HIVEP3: variants seen among roughly 807,000 people sequenced by gnomAD.
HIVEP3 encodes transcription factor HIVEP3.
A neutral mutation model predicts 152.8 loss-of-function variants in HIVEP3; 49 were observed. The ratio of observed to expected loss-of-function variants is 0.32; its 90% CI spans 0.26 to 0.41. HIVEP3 has a LOEUF of 0.41. Ranked by LOEUF, HIVEP3 falls within the 10% of genes least tolerant of loss-of-function variation. HIVEP3 has a pLI of 1.00. For synonymous variants in HIVEP3, 1,269 were observed against 1,289.0 expected, an observed-to-expected ratio of 0.98 and a Z score of 0.33; for missense variants, 2,790 against 3,103.3, an observed-to-expected ratio of 0.90 and a Z score of 2.40.
intron 2 of HIVEP3, among the ~76,000 whole-genome samples, chr1:41,649,712 G>T (rs952216301): frequency 6.6e-6 from 1 of 152,176 alleles, no homozygotes; most frequent in African/African-American, 2.4e-5. Flanking sequence ...AGGATCAAAT[G>T]CGGGGAGGGG....
intron 5 of HIVEP3, among the ~76,000 whole-genome samples, chr1:41,573,160 A>C (rs1417742793): frequency 6.6e-6 from 1 of 152,238 alleles, no homozygotes; most frequent in East Asian, 1.9e-4. Context: ...AAGAAAGAAA[A>C]AAAAGGAAGA....
At chr1:41,983,899 G>A (rs582765) in intron 1 of HIVEP3, among the ~76,000 whole-genome samples, 8,970 of 152,220 alleles carry the variant, frequency 0.059, 909 homozygotes, top group African/African-American at 0.2. Context: ...AGCCTCTCAT[G>A]TACAAAAGGG....
intron 2 of HIVEP3, among the ~76,000 whole-genome samples, chr1:41,631,754 C>A (rs781085677): frequency 1.3e-5 from 2 of 152,182 alleles, no homozygotes; most frequent in Non-Finnish European, 1.5e-5. Flanking sequence ...CAATTTCTCA[C>A]TACTCTGTGG....
At chr1:41,639,698 C>T (rs943075709) in intron 2 of HIVEP3, among the ~76,000 whole-genome samples, 9 of 152,196 alleles carry the variant, frequency 5.9e-5, no homozygotes, top group African/African-American at 2.2e-4. Context: ...AGGGGCTCAC[C>T]TTTGTTTCAG....
At chr1:41,882,674 G>A (rs1221584023) in intron 1 of HIVEP3, among the ~76,000 whole-genome samples, 5 of 152,198 alleles carry the variant, frequency 3.3e-5, no homozygotes, top group Non-Finnish European at 7.3e-5. Flanking sequence ...ATCCTCAGCA[G>A]ACTGTGAGCT....
At chr1:41,686,627 C>T (rs1284106213) in intron 2 of HIVEP3, among the ~76,000 whole-genome samples, 3 of 152,122 alleles carry the variant, frequency 2.0e-5, no homozygotes, top group African/African-American at 7.2e-5. Context: ...TGGAACCATG[C>T]AAAAGCCCAG....
chr1:41,762,793 G>T (rs938800710), intron 1 of HIVEP3, among the ~76,000 whole-genome samples: 4 of 152,252 alleles, frequency 2.6e-5, no homozygotes, highest in Admixed American at 2.6e-4. Flanking sequence ...GTGAGCAGGG[G>T]CATCACCAGC....
chr1:41,668,911 C>T lies in HIVEP3; in HGVS notation c.-721+32005G>A, dbSNP rs1169292677. On this transcript the variant is annotated intron_variant, in intron 2 of 8. Transcript: ENST00000372583. The stretch of plus-strand genomic sequence containing the variant: ...CAATGCTTGGTACCTACTAGGTGCT[C>T]AATAAACAGGGCACCTGGAAGGCTT... Among the ~76,000 whole-genome samples, 3 of 152,258 alleles carry T rather than the reference C, an allele frequency of 2.0e-5. No homozygotes were observed. In the East Asian group the frequency reaches 5.8e-4, roughly 29 times the overall value.
intron 1 of HIVEP3, among the ~76,000 whole-genome samples, chr1:41,948,546 C>A (rs1451747010): frequency 6.6e-6 from 1 of 151,918 alleles, no homozygotes; most frequent in Non-Finnish European, 1.5e-5. Flanking sequence ...AGCCAAAGAG[C>A]CGCAAGGCAG....
intron 2 of HIVEP3, among the ~76,000 whole-genome samples, chr1:41,691,970 G>A (rs1403947750): frequency 6.6e-6 from 1 of 150,980 alleles, no homozygotes; most frequent in South Asian, 2.1e-4. Flanking sequence ...TCAGCCTTTC[G>A]AGTAGCTGGG....
At chr1:41,614,264 T>C (rs1644936569) in intron 3 of HIVEP3, among the ~76,000 whole-genome samples, 1 of 152,190 alleles carries the variant, frequency 6.6e-6, no homozygotes, top group Non-Finnish European at 1.5e-5. Flanking sequence ...TATCTGGTGG[T>C]GAGAGAGGCG....
At chr1:41,723,116 GGT>G (rs1180657575) in intron 1 of HIVEP3, among the ~76,000 whole-genome samples, 2 of 151,092 alleles carry the variant, frequency 1.3e-5, no homozygotes, top group Non-Finnish European at 2.9e-5. Context: ...AGATCCCCCT[GGT>G]GCACTATGGG....
At chr1:41,631,328 G>A (rs532419755) in intron 2 of HIVEP3, among the ~76,000 whole-genome samples, 5 of 152,204 alleles carry the variant, frequency 3.3e-5, no homozygotes, top group East Asian at 1.9e-4. Context: ...GCTAAGAATG[G>A]TGAGTGCCTT....
intron 7 of HIVEP3, among the ~76,000 whole-genome samples, chr1:41,517,635 G>T (rs1378194275): frequency 1.3e-5 from 2 of 152,158 alleles, no homozygotes; most frequent in Non-Finnish European, 1.5e-5. Flanking sequence ...CTTGGTGCTG[G>T]CGAGATGGCT....
At chr1:41,694,202 T>C (rs181980634) in intron 2 of HIVEP3, among the ~76,000 whole-genome samples, 85 of 152,356 alleles carry the variant, frequency 5.6e-4, no homozygotes, top group African/African-American at 2.0e-3. Flanking sequence ...TTTCCCTCTA[T>C]GCTTTCTAAC....
intron 1 of HIVEP3, among the ~76,000 whole-genome samples, chr1:41,729,617 CAGA>C (rs1333724489): frequency 6.6e-6 from 1 of 152,198 alleles, no homozygotes; most frequent in African/African-American, 2.4e-5. Flanking sequence ...ACTCATTTTA[CAGA>C]AGGAGAAAGT....
chr1:41,785,830 C>G (rs1649315909), intron 1 of HIVEP3, among the ~76,000 whole-genome samples: 1 of 152,150 alleles, frequency 6.6e-6, no homozygotes, highest in Non-Finnish European at 1.5e-5. Flanking sequence ...AATCCCATCT[C>G]TACTAAAAAT....
intron 1 of HIVEP3, among the ~76,000 whole-genome samples, chr1:41,893,766 AT>A (rs1043748611): frequency 4.7e-5 from 7 of 147,504 alleles, no homozygotes; most frequent in Non-Finnish European, 7.5e-5. Context: ...ATATATACAT[AT>A]TTTTATATAT....
intron 1 of HIVEP3, among the ~76,000 whole-genome samples, chr1:42,017,720 T>C (rs776733288): frequency 3.3e-5 from 5 of 152,198 alleles, no homozygotes; most frequent in Non-Finnish European, 7.4e-5. Flanking sequence ...ATGAATGCTA[T>C]GTACCTTCTT....
Sources: allele counts gnomAD v4.1 joint callset (sites outside exome capture counted in the v4.1 genomes callset), GRCh38; gene constraint gnomAD v4.1.1; transcripts MANE v1.5; gene names NCBI Gene and HGNC (gene_info 2026-07-23, HGNC 2026-07-21).